SLC35F3: variants seen among roughly 807,000 people sequenced by gnomAD.
The protein encoded by SLC35F3 is putative thiamine transporter SLC35F3.
A neutral mutation model predicts 49.9 loss-of-function variants in SLC35F3; 25 were observed. The ratio of observed to expected loss-of-function variants is 0.50; its 90% CI spans 0.37 to 0.70. SLC35F3 has a LOEUF of 0.70. Among genes scored for constraint, SLC35F3 ranks in the 30% least tolerant of loss-of-function variants. SLC35F3 has a pLI of 0.00. For missense variants in SLC35F3, 525 were observed against 639.8 expected (o/e 0.82, Z 1.94); for synonymous variants, 275 against 265.4 (o/e 1.04, Z -0.35).
chr1:234,100,379 G>A (rs1022300616), intron 2 of SLC35F3, among the ~76,000 whole-genome samples: 6 of 152,080 alleles, frequency 3.9e-5, no homozygotes, highest in Non-Finnish European at 8.8e-5. Flanking sequence ...CACCTATATC[G>A]ACGTCTTTTA....
intron 2 of SLC35F3, among the ~76,000 whole-genome samples, chr1:234,148,797 T>C (rs1666032248): frequency 1.3e-5 from 2 of 152,106 alleles, no homozygotes; most frequent in South Asian, 2.1e-4. Flanking sequence ...ATTAAAGATA[T>C]TGCTTGGAGA....
At chr1:234,147,464 T>G (rs1402380944) in intron 2 of SLC35F3, among the ~76,000 whole-genome samples, 1 of 152,204 alleles carries the variant, frequency 6.6e-6, no homozygotes, top group African/African-American at 2.4e-5. Context: ...TATACTTATT[T>G]TAAATCTTTT....
intron 2 of SLC35F3, among the ~76,000 whole-genome samples, chr1:234,052,809 A>C (rs1034527548): frequency 1.3e-5 from 2 of 152,138 alleles, no homozygotes; most frequent in African/African-American, 2.4e-5. Flanking sequence ...ACTGCTTTAC[A>C]TGTGTCCCAG....
intron 2 of SLC35F3, among the ~76,000 whole-genome samples, chr1:234,014,595 A>G (rs552612058): frequency 5.3e-5 from 8 of 152,308 alleles, no homozygotes; most frequent in Non-Finnish European, 8.8e-5. Flanking sequence ...CACTCCACCC[A>G]AAAACTGTTA....
chr1:234,275,774 A>G (rs1412753666), intron 3 of SLC35F3, among the ~76,000 whole-genome samples: 4 of 150,456 alleles, frequency 2.7e-5, no homozygotes, highest in African/African-American at 7.3e-5. Context: ...ATATATATAT[A>G]TATATATAGC....
At chr1:234,055,461 A>G (rs1473935824) in intron 2 of SLC35F3, among the ~76,000 whole-genome samples, 2 of 152,204 alleles carry the variant, frequency 1.3e-5, no homozygotes, top group Non-Finnish European at 2.9e-5. Context: ...CTAGCCATGC[A>G]TGGGATATAA....
chr1:233,971,176 C>T (rs1022230713), intron 2 of SLC35F3, among the ~76,000 whole-genome samples: 8 of 152,200 alleles, frequency 5.3e-5, no homozygotes, highest in Admixed American at 6.5e-5. Flanking sequence ...CATACCCTCT[C>T]CTCCAATTTC....
intron 2 of SLC35F3, among the ~76,000 whole-genome samples, chr1:233,911,747 C>A (rs745929311): frequency 1.3e-5 from 2 of 152,164 alleles, no homozygotes; most frequent in Non-Finnish European, 2.9e-5. Context: ...GAGACACAGT[C>A]CTCACCCTAA....
intron 2 of SLC35F3, among the ~76,000 whole-genome samples, chr1:233,949,408 T>G (rs1026920430): frequency 1.3e-5 from 2 of 151,828 alleles, no homozygotes; most frequent in African/African-American, 4.8e-5. Flanking sequence ...ATTCCATGAG[T>G]GTAATGTCTA....
At chr1:234,118,903 A>T (rs1273721581) in intron 2 of SLC35F3, among the ~76,000 whole-genome samples, 1 of 151,330 alleles carries the variant, frequency 6.6e-6, no homozygotes, top group Non-Finnish European at 1.5e-5. Flanking sequence ...TTTTTTACAA[A>T]ACCTCTTGCA....
At chr1:234,312,157 G>A (rs934907457) in intron 4 of SLC35F3, among the ~76,000 whole-genome samples, 1 of 152,134 alleles carries the variant, frequency 6.6e-6, no homozygotes, top group Non-Finnish European at 1.5e-5. Flanking sequence ...AACCCTGGGC[G>A]CACACTGCCT....
intron 2 of SLC35F3, among the ~76,000 whole-genome samples, chr1:233,981,186 T>G (rs1007560603): frequency 1.3e-4 from 20 of 152,344 alleles, no homozygotes; most frequent in African/African-American, 4.1e-4. Flanking sequence ...ACAGACTTTA[T>G]TAAGATTTCA....
chr1:233,930,738 G>C (rs1662230251), intron 2 of SLC35F3, among the ~76,000 whole-genome samples: 1 of 152,126 alleles, frequency 6.6e-6, no homozygotes. Context: ...TGTATACTAT[G>C]TTCTTACAAT....
chr1:234,299,804 CAAAAAAA>C (rs36039526), intron 3 of SLC35F3, among the ~76,000 whole-genome samples: 3 of 84,682 alleles, frequency 3.5e-5, no homozygotes, highest in African/African-American at 4.5e-5. Flanking sequence ...GACTCCATCT[CAAAAAAA>C]AAAAAAAAAA....
At chr1:234,058,192 T>G (rs983087931) in intron 2 of SLC35F3, among the ~76,000 whole-genome samples, 9 of 150,418 alleles carry the variant, frequency 6.0e-5, no homozygotes, top group African/African-American at 1.7e-4. Context: ...TTGCTTTGGG[T>G]TTTTTTTTCG....
intron 2 of SLC35F3, among the ~76,000 whole-genome samples, chr1:234,181,928 T>C (rs1474473780): frequency 6.6e-6 from 1 of 152,218 alleles, no homozygotes; most frequent in African/African-American, 2.4e-5. Context: ...TCAGAGATTG[T>C]CCAGTAGTTA....
chr1:234,165,961 C>T (rs1666312485), intron 2 of SLC35F3, among the ~76,000 whole-genome samples: 3 of 152,104 alleles, frequency 2.0e-5, no homozygotes, highest in Admixed American at 2.0e-4. Flanking sequence ...TTTGGTTTTC[C>T]ATTCCTGAGC....
At chr1:233,963,640 A>G (rs1480671494) in intron 2 of SLC35F3, among the ~76,000 whole-genome samples, 1 of 152,198 alleles carries the variant, frequency 6.6e-6, no homozygotes, top group Non-Finnish European at 1.5e-5. Context: ...GGCGCAGGTC[A>G]GTTCCGTAAG....
At chr1:234,193,231 G>A (rs1947617) in intron 2 of SLC35F3, among the ~76,000 whole-genome samples, 5,414 of 152,190 alleles carry the variant, frequency 0.036, 345 homozygotes, top group African/African-American at 0.12. Flanking sequence ...GCATGGTACT[G>A]GTATAAAAAT....
Sources: gnomAD v4.1 joint callset for allele counts (sites outside exome capture counted in the v4.1 genomes callset) on GRCh38, gnomAD v4.1.1 for gene constraint, MANE v1.5 for transcripts, NCBI Gene and HGNC (gene_info 2026-07-23, HGNC 2026-07-21) for gene names.